ANO6: variants seen among roughly 807,000 people sequenced by gnomAD.
The protein encoded by ANO6 is anoctamin 6.
Under a neutral mutation model 117.5 loss-of-function variants are expected in ANO6, and 106 were observed. The ratio of observed to expected loss-of-function variants is 0.90; its 90% CI spans 0.77 to 1.06. The LOEUF is 1.06. ANO6 is among the 50% of genes least tolerant of loss of function. The pLI is 0.00. For missense variants in ANO6, 955 were observed against 1,121.1 expected, an observed-to-expected ratio of 0.85 and a Z score of 2.12; for synonymous variants, 367 against 385.1, an observed-to-expected ratio of 0.95 and a Z score of 0.55.
chr12:45,259,808 T>A (rs1489224185), intron 1 of ANO6, among the ~76,000 whole-genome samples: 3 of 152,132 alleles, frequency 2.0e-5, no homozygotes, highest in Non-Finnish European at 4.4e-5. Context: ...GATAAATATG[T>A]GAGGAGAACA....
chr12:45,308,361 A>G (rs914275466), intron 2 of ANO6, among the ~76,000 whole-genome samples: 3 of 152,082 alleles, frequency 2.0e-5, no homozygotes, highest in African/African-American at 7.2e-5. Context: ...AAATTAGTTC[A>G]GTAGATTTGA....
chr12:45,439,148 C>G (rs1282870205), intron 19 of ANO6, among the ~76,000 whole-genome samples: 3 of 152,176 alleles, frequency 2.0e-5, no homozygotes, highest in Non-Finnish European at 2.9e-5. Context: ...GGAAGTGTCA[C>G]CTGTGTGTCT....
At position 45,430,512 on chromosome 12, in the gene ANO6, C is replaced by T. The variant is rs1943606527; in HGVS notation, c.*1201C>T. 5 of 985,398 alleles carry T rather than the reference C, an allele frequency of 5.1e-6. No individual in the cohort carries two copies. Among genetic ancestry groups the T allele is most frequent in the Middle Eastern group, 5.2e-4 (1 of 1,916 alleles). 61.0% of individuals were successfully genotyped at this position (985,398 alleles called of 1,614,324 possible). ...ATCCTCCATCCTGTTACTCTGGGCC[C>T]AGTAATTTGATGTAACTGTCTGATT... On this transcript the variant is annotated 3_prime_UTR_variant, in exon 20 of 20. Transcript: ENST00000320560.
chr12:45,255,615 A>G (rs1753582646), intron 1 of ANO6, among the ~76,000 whole-genome samples: 1 of 152,190 alleles, frequency 6.6e-6, no homozygotes, highest in African/African-American at 2.4e-5. Flanking sequence ...AATCATCCCA[A>G]AGCCATTTTT....
chr12:45,293,745 T>TG (rs1211730736), intron 1 of ANO6, among the ~76,000 whole-genome samples: 32 of 139,516 alleles, frequency 2.3e-4, no homozygotes, highest in Non-Finnish European at 3.2e-4. Flanking sequence ...TTTTTTTTTT[T>TG]TTTTTTTTTT....
intron 2 of ANO6, among the ~76,000 whole-genome samples, chr12:45,321,064 C>A (rs544552689): frequency 3.3e-5 from 5 of 152,204 alleles, no homozygotes; most frequent in African/African-American, 1.2e-4. Context: ...GGTCTTAACT[C>A]TTTATCCAAT....
chr12:45,439,262 G>A (rs967144202), intron 19 of ANO6, among the ~76,000 whole-genome samples: 3 of 152,176 alleles, frequency 2.0e-5, no homozygotes, highest in South Asian at 2.1e-4. Flanking sequence ...TGATGCCAGC[G>A]CTTAATCACA....
chr12:45,355,017 G>A (rs545143075), intron 7 of ANO6, among the ~76,000 whole-genome samples: 6 of 152,230 alleles, frequency 3.9e-5, no homozygotes, highest in African/African-American at 1.2e-4. Flanking sequence ...TTTAGAGATA[G>A]GGAAGTAAAT....
rs531818248 is a variant in ANO6 at position 45,317,814 on chromosome 12, C to G, written c.151-13481C>G. On this transcript the variant is annotated intron_variant, in intron 2 of 19. Transcript: ENST00000320560. ...TCCTGACTTTTTAATGATCGCCATT[C>G]TAACTGGTGTGAGATGATACCTCAC... 8.5e-5 allele frequency among the ~76,000 whole-genome samples: 13 copies of G among 152,322 alleles called. No individual in the cohort carries two copies. The South Asian group carries it at 2.7e-3, about 32-fold the overall frequency.
chr12:45,292,956 G>A, intron 1 of ANO6: 17 of 1,551,242 alleles, frequency 1.1e-5, no homozygotes, highest in Non-Finnish European at 1.5e-5. Flanking sequence ...TTCCTATTTG[G>A]TGAGTTGCTG....
Position 45,261,068 on chromosome 12 carries a change from C to T in ANO6, c.71-40946C>T, listed in dbSNP as rs559491151. ...ATCCTGGCCTTAAGTGATCCCCCAG[C>T]CTTGGCCTCCCCAAATGTTACGTTT... On this transcript the variant is annotated intron_variant, in intron 1 of 19. Transcript: ENST00000320560. Among the ~76,000 whole-genome samples, 18 of 152,216 alleles carry T rather than the reference C, an allele frequency of 1.2e-4. No individual in the cohort carries two copies. The East Asian group carries it at 3.1e-3, about 26-fold the overall frequency.
rs78332616 is a variant in ANO6, at chr12:45,389,895, T to C, written c.1309-526T>C. Among the ~76,000 whole-genome samples, 829 of 152,362 alleles carry C rather than the reference T, an allele frequency of 5.4e-3. 22 individuals carry two copies. Among genetic ancestry groups the C allele is most frequent in the East Asian group, 0.051 (267 of 5,192 alleles). The stretch of plus-strand genomic sequence containing the variant: ...AGCTGTTATTAGGCTGCTCTTACAA[T>C]ACAGGTAAATCATGTAGAGGGTTGA... On this transcript the variant is annotated intron_variant, in intron 11 of 19. Coordinates refer to ENST00000320560, the MANE Select transcript of ANO6 (RefSeq NM_001025356.3).
At chr12:45,276,721 A>G (rs1314720610) in intron 1 of ANO6, among the ~76,000 whole-genome samples, 1 of 152,202 alleles carries the variant, frequency 6.6e-6, no homozygotes, top group Non-Finnish European at 1.5e-5. Context: ...CTAAAAAGGG[A>G]CATTTTCTGT....
chr12:45,274,745 G>A (rs1938495543), intron 1 of ANO6, among the ~76,000 whole-genome samples: 1 of 150,336 alleles, frequency 6.7e-6, no homozygotes, highest in Admixed American at 6.7e-5. Flanking sequence ...TCTTAACTGT[G>A]CTCTAGCCAC....
rs367544410 is a variant in ANO6, at chr12:45,416,763, C to T, written c.2076C>T (p.Leu692=). 6 of 1,613,978 alleles carry T rather than the reference C, an allele frequency of 3.7e-6. No homozygotes were observed. The African/African-American group carries it at 4.0e-5, about 11-fold the overall frequency. ...ASFPLAPLLA[L]VNNILEIRVD... is the part of the protein sequence containing the mutation. ...TTCCACTGGCCCCTCTGTTGGCTCT[C>T]GTGAACAATATATTGGAAATAAGAG... The change falls in exon 17 of 20, where the codon CTC becomes CTT. Residue 692 remains leucine (L), a synonymous_variant. Transcript: ENST00000320560.
intron 2 of ANO6, among the ~76,000 whole-genome samples, chr12:45,314,470 TA>T (rs1939951578): frequency 1.3e-4 from 3 of 22,780 alleles, no homozygotes; most frequent in Non-Finnish European, 6.4e-4. Flanking sequence ...ATATATATTA[TA>T]TATACACACA....
chr12:45,320,758 T>C (rs1940235447), intron 2 of ANO6, among the ~76,000 whole-genome samples: 1 of 152,278 alleles, frequency 6.6e-6, no homozygotes, highest in South Asian at 2.1e-4. Context: ...TGTCTAAGTC[T>C]CTTTGTAGGT....
intron 19 of ANO6, among the ~76,000 whole-genome samples, chr12:45,428,393 G>T (rs1425140901): frequency 2.6e-5 from 4 of 152,092 alleles, no homozygotes; most frequent in Admixed American, 2.6e-4. Flanking sequence ...TGGGAGGATT[G>T]CTTGAGGACA....
At chr12:45,353,430 A>G (rs1941333617) in intron 7 of ANO6, among the ~76,000 whole-genome samples, 1 of 152,228 alleles carries the variant, frequency 6.6e-6, no homozygotes, top group Non-Finnish European at 1.5e-5. Flanking sequence ...ATCTGATAAC[A>G]GAGTGATGGG....
Sources: allele counts gnomAD v4.1 joint callset (sites outside exome capture counted in the v4.1 genomes callset), GRCh38; gene constraint gnomAD v4.1.1; transcripts MANE v1.5; gene names NCBI Gene and HGNC (gene_info 2026-07-23, HGNC 2026-07-21).